ARHGEF10: variants seen among roughly 807,000 people sequenced by gnomAD.
The protein encoded by ARHGEF10 is Rho guanine nucleotide exchange factor 10.
In ARHGEF10, 140 loss-of-function variants were observed where a neutral mutation model predicts 147.4. The observed-to-expected ratio is 0.95, with a 90% CI of 0.83 to 1.09. ARHGEF10 has a LOEUF of 1.09. ARHGEF10 is among the 50% of genes least tolerant of loss of function. The probability of loss-of-function intolerance (pLI) is 0.00; values close to 1 mark genes in which losing one functional copy is unlikely to be tolerated. For synonymous variants in ARHGEF10, 902 were observed against 695.8 expected (o/e 1.30, Z -4.67); for missense variants, 2,222 against 1,752.7 (o/e 1.27, Z -4.78).
chr8:1,934,287 C>G (rs908419374), intron 26 of ARHGEF10, among the ~76,000 whole-genome samples: 1 of 143,414 alleles, frequency 7.0e-6, no homozygotes, highest in African/African-American at 2.6e-5. Flanking sequence ...CCAGGAGGTC[C>G]AGGCTTCATT....
At position 1,909,307 on chromosome 8, in the gene ARHGEF10, C is replaced by T. The variant is rs1563270140; in HGVS notation, c.1980C>T (p.Asp660=). 11 of 1,614,248 alleles carry T rather than the reference C, an allele frequency of 6.8e-6. No homozygotes were observed. The highest frequency in any genetic ancestry group is 9.3e-6 in the Non-Finnish European group (11 of 1,180,044). ...TTGGTCGTTTCAGCCCCTCTCATGA[C>T]AGCCGTGTGATGAGCAGCCAGAGGT... ...CATVSSRPSH[D]SRVMSSQRYL... Residue 660 remains aspartate (D), a synonymous_variant, in exon 18 of 29, where the codon GAC becomes GAT. Transcript: ENST00000349830.
chr8:1,858,205 T>TCCCCATGTGAG (rs1395408568), intron 3 of ARHGEF10, 90 bp downstream of exon 3: 61 of 1,231,536 alleles, frequency 5.0e-5, no homozygotes, highest in East Asian at 2.3e-4. Flanking sequence ...ACCAGGTGAG[T>TCCCCATGTGAG]TCCCAGGTGA....
At chr8:1,866,811 C>T (rs1282158092) in intron 6 of ARHGEF10, among the ~76,000 whole-genome samples, 1 of 152,222 alleles carries the variant, frequency 6.6e-6, no homozygotes, top group Non-Finnish European at 1.5e-5. Flanking sequence ...CCCCAGCTCT[C>T]CACGTCCACG....
At position 1,945,549 on chromosome 8, in the gene ARHGEF10, C is replaced by T; in HGVS notation, c.3291C>T (p.Ile1097=). Residue 1097 remains isoleucine, a synonymous_variant, in exon 27 of 29, where the codon ATC becomes ATT. Transcript: ENST00000349830. ...ISHMAVSGVG[I]WIAFTSGSTL... is the part of the protein sequence containing the mutation. ...ACATGGCCGTGTCCGGCGTCGGGAT[C>T]TGGATTGCCTTCACCTCAGGGTCCA... The T allele has an allele frequency of 6.2e-7, 1 of 1,614,240 alleles. No homozygotes were observed. The highest frequency in any genetic ancestry group is 8.5e-7 in the Non-Finnish European group (1 of 1,180,042).
chr8:1,876,314 G>A (rs1477921121), intron 7 of ARHGEF10: 12 of 543,908 alleles, frequency 2.2e-5, no homozygotes, highest in Non-Finnish European at 3.3e-5. Flanking sequence ...GGTGGTCCTC[G>A]GGGTACAGAT....
At chr8:1,888,096 GA>G (rs1167242751) in intron 11 of ARHGEF10, among the ~76,000 whole-genome samples, 21 of 140,568 alleles carry the variant, frequency 1.5e-4, no homozygotes, top group African/African-American at 4.2e-4. Flanking sequence ...TAGGTAGGGT[GA>G]ATGTTTTGAG....
At chr8:1,943,804 G>T (rs1225205405) in intron 26 of ARHGEF10, 1 of 152,156 alleles carries the variant, frequency 6.6e-6, no homozygotes, top group Admixed American at 6.5e-5. Context: ...GGCATATGGC[G>T]AGAGGTATTA....
At chr8:1,880,196 T>C in intron 9 of ARHGEF10, 32 bp downstream of exon 9, 1 of 1,511,700 alleles carries the variant, frequency 6.6e-7, no homozygotes, top group South Asian at 1.1e-5. Flanking sequence ...CTGCCCCCAC[T>C]TGCCAGCCGG....
chr8:1,932,216 A>G (rs1246544137), intron 25 of ARHGEF10, among the ~76,000 whole-genome samples: 2 of 152,130 alleles, frequency 1.3e-5, no homozygotes, highest in South Asian at 2.1e-4. Flanking sequence ...TTAAAGGGCT[A>G]TGAGTACCAG....
At chr8:1,918,502 GTGT>G (rs1480421569) in intron 18 of ARHGEF10, among the ~76,000 whole-genome samples, 6 of 126,276 alleles carry the variant, frequency 4.8e-5, no homozygotes, top group Non-Finnish European at 1.0e-4. Flanking sequence ...GTGTGTGTGT[GTGT>G]TATTTTAAAA....
At chr8:1,886,894 T>C (rs1327605193) in intron 11 of ARHGEF10, among the ~76,000 whole-genome samples, 3 of 152,188 alleles carry the variant, frequency 2.0e-5, no homozygotes. Context: ...ACTGGGGCCA[T>C]GTGATCTGGG....
At chr8:1,888,311 A>AGACAC in intron 11 of ARHGEF10, among the ~76,000 whole-genome samples, 1 of 96,536 alleles carries the variant, frequency 1.0e-5, no homozygotes, top group African/African-American at 4.1e-5. Flanking sequence ...GTTTGTGAGG[A>AGACAC]TATGCTGAGT....
chr8:1,890,799 T>C (rs980409583), intron 11 of ARHGEF10, among the ~76,000 whole-genome samples: 1 of 151,764 alleles, frequency 6.6e-6, no homozygotes. Flanking sequence ...AGGAAAGAGG[T>C]TTGACCTTTT....
At chr8:1,876,773 C>T (rs781031842) in intron 8 of ARHGEF10, 39 bp downstream of exon 8, 40 of 1,607,944 alleles carry the variant, frequency 2.5e-5, no homozygotes, top group African/African-American at 1.3e-4. Flanking sequence ...GGTTCTCTCG[C>T]GTTAACACGG....
At chr8:1,880,517 C>G (rs1261014697) in intron 9 of ARHGEF10, among the ~76,000 whole-genome samples, 1 of 152,198 alleles carries the variant, frequency 6.6e-6, no homozygotes, top group Non-Finnish European at 1.5e-5. Flanking sequence ...TTTAAGATAA[C>G]ATGTAATAGG....
Position 1,866,572 on chromosome 8 carries a change from G to A in ARHGEF10, c.592G>A (p.Ala198Thr), listed in dbSNP as rs199782371. The A allele has an allele frequency of 1.6e-5, 25 of 1,607,760 alleles. No homozygotes were observed. Among genetic ancestry groups the A allele is most frequent in the African/African-American group, 4.0e-5 (3 of 75,048 alleles). Residue 198 changes from alanine to threonine, a missense_variant, in exon 6 of 29, where the codon GCA becomes ACA. Ala to Thr is a moderately conservative substitution (Grantham distance 58). Transcript: ENST00000349830. ...REDSALARWA[A>T]DPANTAWMEN... ...GGACAGCGCACTTGCCCGCTGGGCC[G>A]CAGACCCGGCCAACACAGCCTGGAT...
chr8:1,911,984 C>A (rs1261629318), intron 18 of ARHGEF10, among the ~76,000 whole-genome samples: 1 of 152,208 alleles, frequency 6.6e-6, no homozygotes, highest in African/African-American at 2.4e-5. Context: ...AGTCGATAGT[C>A]ATAGGACTTC....
At chr8:1,880,875 C>G (rs948045040) in intron 9 of ARHGEF10, among the ~76,000 whole-genome samples, 15 of 152,230 alleles carry the variant, frequency 9.9e-5, no homozygotes, top group African/African-American at 3.1e-4. Flanking sequence ...GAGCAGCCGG[C>G]TCATCCGCCC....
intron 2 of ARHGEF10, among the ~76,000 whole-genome samples, chr8:1,850,835 G>A (rs1805077539): frequency 6.6e-6 from 1 of 152,152 alleles, no homozygotes; most frequent in African/African-American, 2.4e-5. Flanking sequence ...GATAAACTGG[G>A]GCCCATTCAG....
Sources: allele counts gnomAD v4.1 joint callset (sites outside exome capture counted in the v4.1 genomes callset), GRCh38; gene constraint gnomAD v4.1.1; transcripts MANE v1.5; gene names NCBI Gene and HGNC (gene_info 2026-07-23, HGNC 2026-07-21).